Variants in SLC5A7 observed in about 807,000 individuals in gnomAD.
SLC5A7 encodes high affinity choline transporter 1.
SLC5A7 carries 19 observed loss-of-function variants against 55.4 expected under a neutral mutation model. The ratio of observed to expected loss-of-function variants is 0.34; its 90% CI spans 0.24 to 0.50. SLC5A7 has a LOEUF of 0.50. SLC5A7 is among the 20% of genes least tolerant of loss of function. The probability of loss-of-function intolerance (pLI) is 0.98; values close to 1 mark genes in which losing one functional copy is unlikely to be tolerated. For missense variants in SLC5A7, 506 were observed against 705.3 expected, an observed-to-expected ratio of 0.72 and a Z score of 3.20; for synonymous variants, 265 against 263.7, an observed-to-expected ratio of 1.00 and a Z score of -0.05.
At chr2:107,991,373 G>A (rs1187927987) in intron 2 of SLC5A7, among the ~76,000 whole-genome samples, 3 of 152,154 alleles carry the variant, frequency 2.0e-5, no homozygotes, top group African/African-American at 2.4e-5. Flanking sequence ...TCTTCTGAGT[G>A]CTAGGTAGTC....
intron 5 of SLC5A7, 124 bp downstream of exon 5, chr2:107,998,110 T>C (rs1677745882): frequency 1.1e-6 from 1 of 924,314 alleles, no homozygotes; most frequent in Non-Finnish European, 1.5e-6. Context: ...CTAAGTCACA[T>C]ACATGAAATT....
chr2:108,012,317 C>G lies in SLC5A7; in HGVS notation c.*1456C>G, dbSNP rs1230288115. ...CTGAAAAGTGATCAGGGAATCTGAT[C>G]CCATAAAGAAAGTGAGTCTGAATTG... On this transcript the variant is annotated 3_prime_UTR_variant, in exon 9 of 9. Transcript: ENST00000264047. 3 of 152,078 alleles carry G rather than the reference C, an allele frequency of 2.0e-5. No homozygotes were observed. The highest frequency in any genetic ancestry group is 7.2e-5 in the African/African-American group (3 of 41,418). The allele number at this position is 152,078 out of a possible 1,614,324, so 9.4% of individuals were successfully genotyped here.
intron 5 of SLC5A7, among the ~76,000 whole-genome samples, chr2:107,998,762 G>A (rs1479610304): frequency 6.6e-6 from 1 of 152,100 alleles, no homozygotes; most frequent in Non-Finnish European, 1.5e-5. Context: ...ATTCTTTAGG[G>A]GCAATGCCCT....
chr2:108,007,165 A>G (rs1399422547), intron 7 of SLC5A7, among the ~76,000 whole-genome samples: 1 of 152,144 alleles, frequency 6.6e-6, no homozygotes, highest in Non-Finnish European at 1.5e-5. Flanking sequence ...ATTCAAAGGC[A>G]TCTTCTACGT....
chr2:107,995,470 A>AGAGTGTGT (rs1405177003), intron 4 of SLC5A7, among the ~76,000 whole-genome samples: 32 of 137,256 alleles, frequency 2.3e-4, no homozygotes, highest in African/African-American at 8.6e-4. Flanking sequence ...AGAGAGAGAG[A>AGAGTGTGT]GTGTGTGTGT....
intron 6 of SLC5A7, among the ~76,000 whole-genome samples, chr2:108,004,898 A>G (rs1436926230): frequency 4.6e-5 from 7 of 152,122 alleles, no homozygotes; most frequent in Admixed American, 1.3e-4. Context: ...CCTTTTTCTC[A>G]TCACAAATAA....
rs759922183 is a variant in SLC5A7 at position 107,993,136 on chromosome 2, C to A, written c.448+9C>A. The A allele has an allele frequency of 8.7e-6, 14 of 1,613,932 alleles. No individual in the cohort carries two copies. The Admixed American group carries it at 1.5e-4, about 17-fold the overall frequency. On this transcript the variant is annotated intron_variant, in intron 4 of 8. Transcript: ENST00000264047. ...AATTTTCTCTGCTTTGGGTAAGGAC[C>A]AGCTAAGTTGTCTAGCTGCATCTTT... is the stretch of plus-strand genomic sequence containing the variant.
chr2:108,001,388 A>G lies in SLC5A7; in HGVS notation c.598-509A>G, dbSNP rs186530014. ...GTATAATCAAGCATAGAAATAGTCAATGTGGCCGGGCGCGGTGGCTCACGC... is the reference window on the plus strand; with the variant it reads ...GTATAATCAAGCATAGAAATAGTCAGTGTGGCCGGGCGCGGTGGCTCACGC... On this transcript the variant is annotated intron_variant, in intron 5 of 8. Coordinates refer to ENST00000264047, the MANE Select transcript of SLC5A7 (RefSeq NM_021815.5). Among the ~76,000 whole-genome samples the G allele has an allele frequency of 9.8e-5, 15 of 152,304 alleles. No homozygotes were observed. In the East Asian group the frequency reaches 2.3e-3, roughly 24 times the overall value.
Position 108,010,427 on chromosome 2 carries a change from G to A in SLC5A7, c.1309G>A (p.Ala437Thr), listed in dbSNP as rs913771232. 5 of 1,613,746 alleles carry A rather than the reference G, an allele frequency of 3.1e-6. No individual in the cohort carries two copies. The highest frequency in any genetic ancestry group is 1.7e-5 in the Admixed American group (1 of 59,942). The change falls in exon 9 of 9, where the codon GCA (alanine) becomes ACA (threonine). Residue 437 changes from alanine to threonine, a missense_variant. Physicochemically the swap from Ala to Thr is moderately conservative, Grantham distance 58. Coordinates refer to ENST00000264047, the MANE Select transcript of SLC5A7 (RefSeq NM_021815.5). ...GGGAACCAACACCTATGGGGCCGTG[G>A]CAGGTTATGTTTCTGGCCTCTTCCT... ...VKGTNTYGAV[A>T]GYVSGLFLRI...
At position 107,993,134 on chromosome 2, in the gene SLC5A7, A is replaced by G; in HGVS notation, c.448+7A>G. The G allele has an allele frequency of 1.9e-6, 3 of 1,614,128 alleles. No individual in the cohort carries two copies. The highest frequency in any genetic ancestry group is 2.5e-6 in the Non-Finnish European group (3 of 1,179,978). On this transcript the variant is annotated splice_region_variant and intron_variant, in intron 4 of 8. Coordinates refer to ENST00000264047, the MANE Select transcript of SLC5A7 (RefSeq NM_021815.5). ...GCAATTTTCTCTGCTTTGGGTAAGG[A>G]CCAGCTAAGTTGTCTAGCTGCATCT...
At chr2:108,002,186 G>A in intron 6 of SLC5A7, 146 bp downstream of exon 6, 1 of 955,982 alleles carries the variant, frequency 1.0e-6, no homozygotes, top group South Asian at 1.7e-5. Flanking sequence ...GGAGGGTGGA[G>A]CCAGGGCCGG....
intron 4 of SLC5A7, among the ~76,000 whole-genome samples, chr2:107,993,420 A>T (rs936675866): frequency 6.6e-6 from 1 of 152,260 alleles, no homozygotes; most frequent in Non-Finnish European, 1.5e-5. Context: ...TTTTGAACAA[A>T]GAATAATGAA....
At chr2:108,001,833 A>G (rs1677919321) in intron 5 of SLC5A7, 64 bp from the exon 6 acceptor site, 2 of 1,581,178 alleles carry the variant, frequency 1.3e-6, no homozygotes, top group Non-Finnish European at 8.6e-7. Context: ...AGGTGTACAA[A>G]TCTTGCATAT....
intron 7 of SLC5A7, among the ~76,000 whole-genome samples, chr2:108,008,118 G>A (rs1394196259): frequency 6.6e-6 from 1 of 152,176 alleles, no homozygotes; most frequent in African/African-American, 2.4e-5. Flanking sequence ...AACAGTGAGT[G>A]TCCCACCACA....
rs1422726185 is a variant in SLC5A7 at position 108,005,054 on chromosome 2, A to G, written c.742-995A>G. On this transcript the variant is annotated intron_variant, in intron 6 of 8. Coordinates refer to ENST00000264047, the MANE Select transcript of SLC5A7 (RefSeq NM_021815.5). ...AGGTATGTATATCTATCAGTTGCTT[A>G]TATATTCTGTACTAACGTATGATGT... 3.9e-5 allele frequency among the ~76,000 whole-genome samples: 6 copies of G among 152,346 alleles called. No homozygotes were observed. The South Asian group carries it at 8.3e-4, about 21-fold the overall frequency.
intron 5 of SLC5A7, 78 bp from the exon 6 acceptor site, chr2:108,001,819 T>G (rs1343474160): frequency 6.7e-7 from 1 of 1,495,666 alleles, no homozygotes; most frequent in Non-Finnish European, 9.2e-7. Context: ...CTGTGCAGTG[T>G]GTGAGGTGTA....
intron 8 of SLC5A7, 139 bp downstream of exon 8, chr2:108,008,821 A>C: frequency 3.4e-6 from 2 of 586,950 alleles, no homozygotes; most frequent in Non-Finnish European, 5.4e-6. Context: ...ATACGAGATT[A>C]AATAACAAAT....
chr2:107,999,357 T>C (rs1422285734), intron 5 of SLC5A7, among the ~76,000 whole-genome samples: 1 of 152,194 alleles, frequency 6.6e-6, no homozygotes, highest in Non-Finnish European at 1.5e-5. Context: ...ACTGATGCAC[T>C]AGGTATTCCA....
At chr2:107,990,796 AG>A (rs1415203095) in intron 2 of SLC5A7, among the ~76,000 whole-genome samples, 3 of 152,220 alleles carry the variant, frequency 2.0e-5, no homozygotes, top group Non-Finnish European at 4.4e-5. Flanking sequence ...TAAACACAAT[AG>A]AAACACATCC....
Sources: allele counts gnomAD v4.1 joint callset (sites outside exome capture counted in the v4.1 genomes callset), GRCh38; gene constraint gnomAD v4.1.1; transcripts MANE v1.5; gene names NCBI Gene and HGNC (gene_info 2026-07-23, HGNC 2026-07-21).